PDE4B: variants seen among roughly 807,000 people sequenced by gnomAD.
PDE4B encodes the protein 3',5'-cyclic-AMP phosphodiesterase 4B.
PDE4B carries 20 observed loss-of-function variants against 82.2 expected under a neutral mutation model. That is an observed-to-expected ratio of 0.24 (90% confidence interval 0.17 to 0.35). The LOEUF (loss-of-function observed/expected upper bound fraction) is 0.35, where lower values mean the gene tolerates loss of function less well. PDE4B is among the 10% of genes least tolerant of loss of function. The pLI, the probability that PDE4B is intolerant of heterozygous loss-of-function variation, is 1.00. For synonymous variants in PDE4B, 320 were observed against 318.9 expected (o/e 1.00, Z -0.04); for missense variants, 655 against 907.2 (o/e 0.72, Z 3.57).
At chr1:66,065,488 G>C (rs1655797438) in intron 3 of PDE4B, among the ~76,000 whole-genome samples, 1 of 151,764 alleles carries the variant, frequency 6.6e-6, no homozygotes, top group Non-Finnish European at 1.5e-5. Flanking sequence ...AACAAAACCG[G>C]ATTACTGGAG....
In PDE4B at chr1:66,257,826, T is replaced by G. The variant is rs972270875; in HGVS notation, c.547T>G (p.Phe183Val). 5.8e-5 allele frequency: 93 copies of G among 1,613,336 alleles called. No individual in the cohort carries two copies. The highest frequency in any genetic ancestry group is 7.8e-5 in the Non-Finnish European group (92 of 1,179,498). ...CAGCTTGCGAAGTGTGAGAAACAAC[T>G]TCACTATACTGACAAACCTTCATGG... ...LASLRSVRNNFTILTNLHGTS... is the reference protein window; with the variant it reads ...LASLRSVRNNVTILTNLHGTS... The change falls in exon 6 of 17, where the codon TTC becomes GTC. Residue 183 changes from phenylalanine to valine, a missense_variant. Physicochemically the swap from Phe to Val is conservative, Grantham distance 50. Transcript: ENST00000341517.
intron 3 of PDE4B, among the ~76,000 whole-genome samples, chr1:66,201,671 T>A (rs974025717): frequency 6.9e-6 from 1 of 145,210 alleles, no homozygotes; most frequent in Admixed American, 6.9e-5. Context: ...AGTTGGTATT[T>A]CTGTGGGATC....
chr1:65,877,338 G>A (rs79014169), intron 1 of PDE4B, among the ~76,000 whole-genome samples: 27,065 of 151,872 alleles, frequency 0.18, 2,905 homozygotes, highest in South Asian at 0.38. Context: ...GCTGGGGGCC[G>A]GGTGCAGTGG....
At chr1:66,265,048 A>G (rs1196742099) in intron 6 of PDE4B, among the ~76,000 whole-genome samples, 1 of 152,204 alleles carries the variant, frequency 6.6e-6, no homozygotes, top group Non-Finnish European at 1.5e-5. Flanking sequence ...TCCTTAGTGG[A>G]GCAGAGAATC....
At chr1:65,954,384 C>T (rs1325540758) in intron 3 of PDE4B, among the ~76,000 whole-genome samples, 1 of 152,036 alleles carries the variant, frequency 6.6e-6, no homozygotes, top group African/African-American at 2.4e-5. Flanking sequence ...CTTGGTTCTA[C>T]TGAGGCAGTA....
chr1:66,126,486 A>G (rs912471592), intron 3 of PDE4B, among the ~76,000 whole-genome samples: 4 of 152,216 alleles, frequency 2.6e-5, no homozygotes, highest in African/African-American at 9.6e-5. Context: ...CCTTATTAAG[A>G]TGAAAGCTTT....
intron 3 of PDE4B, among the ~76,000 whole-genome samples, chr1:65,925,938 G>A (rs1255000554): frequency 6.6e-6 from 1 of 152,026 alleles, no homozygotes. Flanking sequence ...TATCACTGAG[G>A]CTACCCTTCT....
At chr1:66,224,913 G>A (rs938771326) in intron 3 of PDE4B, among the ~76,000 whole-genome samples, 1 of 152,184 alleles carries the variant, frequency 6.6e-6, no homozygotes, top group Non-Finnish European at 1.5e-5. Flanking sequence ...ATGCCCGTCT[G>A]TCGCATTCTT....
rs201514943 is a variant in PDE4B at position 66,260,001 on chromosome 1, G to T, written c.584+2138G>T. ...ATGAGGATTAAATGAATTGATATTT[G>T]CAAAGCACTTAAAACAGCATCTTGC... On this transcript the variant is annotated intron_variant, in intron 6 of 16. Transcript: ENST00000341517. Among the ~76,000 whole-genome samples the T allele has an allele frequency of 8.5e-5, 13 of 152,230 alleles. No individual in the cohort carries two copies. The East Asian group carries it at 2.3e-3, about 27-fold the overall frequency.
chr1:66,322,878 A>G (rs1005141546), intron 7 of PDE4B, among the ~76,000 whole-genome samples: 1 of 152,062 alleles, frequency 6.6e-6, no homozygotes, highest in Non-Finnish European at 1.5e-5. Flanking sequence ...AGATATGCTT[A>G]CCCCCATTTT....
chr1:66,211,288 C>T (rs1044725387), intron 3 of PDE4B, among the ~76,000 whole-genome samples: 3 of 152,176 alleles, frequency 2.0e-5, no homozygotes, highest in Admixed American at 6.5e-5. Context: ...TCATATTATA[C>T]GTTCCAAGTC....
At chr1:65,814,395 T>G (rs1342769303) in intron 1 of PDE4B, among the ~76,000 whole-genome samples, 1 of 152,196 alleles carries the variant, frequency 6.6e-6, no homozygotes, top group Non-Finnish European at 1.5e-5. Context: ...ATATATATAT[T>G]CTTATAACCA....
At chr1:66,327,259 T>A (rs1339586468) in intron 7 of PDE4B, among the ~76,000 whole-genome samples, 1 of 152,020 alleles carries the variant, frequency 6.6e-6, no homozygotes, top group Non-Finnish European at 1.5e-5. Flanking sequence ...AACTGAAAAA[T>A]CATTGAAACA....
At chr1:66,238,771 G>A (rs548502299) in intron 3 of PDE4B, among the ~76,000 whole-genome samples, 34 of 152,102 alleles carry the variant, frequency 2.2e-4, no homozygotes, top group Admixed American at 1.4e-3. Flanking sequence ...CTAAGGGGGC[G>A]GGGAAGGGTG....
At chr1:65,853,719 G>A (rs538230830) in intron 1 of PDE4B, among the ~76,000 whole-genome samples, 4 of 151,944 alleles carry the variant, frequency 2.6e-5, no homozygotes, top group East Asian at 1.9e-4. Flanking sequence ...TAGTAGAGAC[G>A]GGGTTTTACC....
At chr1:66,178,397 G>A (rs951408845) in intron 3 of PDE4B, among the ~76,000 whole-genome samples, 1 of 151,934 alleles carries the variant, frequency 6.6e-6, no homozygotes, top group Non-Finnish European at 1.5e-5. Context: ...TGAAAACTCG[G>A]TTCCGTGTTA....
At chr1:66,037,114 A>C in intron 3 of PDE4B, among the ~76,000 whole-genome samples, 1 of 143,928 alleles carries the variant, frequency 6.9e-6, no homozygotes, top group East Asian at 2.0e-4. Flanking sequence ...TGACAGAGTG[A>C]GACTCTGCCT....
chr1:66,106,643 A>C (rs1645364406), intron 3 of PDE4B, among the ~76,000 whole-genome samples: 1 of 151,964 alleles, frequency 6.6e-6, no homozygotes, highest in African/African-American at 2.4e-5. Context: ...TCAGAGATTC[A>C]ACTTCTTCCT....
intron 7 of PDE4B, among the ~76,000 whole-genome samples, chr1:66,304,284 A>G (rs75967978): frequency 6.6e-6 from 1 of 152,164 alleles, no homozygotes; most frequent in Non-Finnish European, 1.5e-5. Context: ...GCAATATAAA[A>G]CAAAAGAGCA....
Sources: gnomAD v4.1 joint callset for allele counts (sites outside exome capture counted in the v4.1 genomes callset) on GRCh38, gnomAD v4.1.1 for gene constraint, MANE v1.5 for transcripts, NCBI Gene and HGNC (gene_info 2026-07-23, HGNC 2026-07-21) for gene names.